Variants in C6orf132 observed in about 807,000 individuals in gnomAD.
C6orf132 encodes chromosome 6 open reading frame 132, also known as uncharacterized protein C6orf132.
In C6orf132, 43 loss-of-function variants were observed where a neutral mutation model predicts 65.3. The observed-to-expected ratio is 0.66, with a 90% CI of 0.52 to 0.85. C6orf132 has a LOEUF of 0.85. Among genes scored for constraint, C6orf132 ranks in the 40% least tolerant of loss-of-function variants. C6orf132 has a pLI of 0.00. For missense variants in C6orf132, 1,488 were observed against 1,548.8 expected (o/e 0.96, Z 0.66); for synonymous variants, 631 against 654.1 (o/e 0.96, Z 0.54).
At chr6:42,117,221 C>A (rs1449873296) in intron 2 of C6orf132, among the ~76,000 whole-genome samples, 1 of 152,206 alleles carries the variant, frequency 6.6e-6, no homozygotes, top group Non-Finnish European at 1.5e-5. Flanking sequence ...CTACTAGGTG[C>A]AAGGCACTGT....
intron 3 of C6orf132, among the ~76,000 whole-genome samples, chr6:42,109,409 C>A (rs1403045985): frequency 6.6e-6 from 1 of 151,622 alleles, no homozygotes; most frequent in African/African-American, 2.4e-5. Context: ...TCCAGCCTGG[C>A]AACAGAGCGA....
intron 1 of C6orf132, among the ~76,000 whole-genome samples, chr6:42,141,352 C>A (rs1767026256): frequency 6.6e-6 from 1 of 152,206 alleles, no homozygotes; most frequent in African/African-American, 2.4e-5. Context: ...GGGTGACCTT[C>A]CTTGGGCCCA....
Position 42,104,968 on chromosome 6 carries a change from T to A in C6orf132, c.2944A>T (p.Asn982Tyr). The change falls in exon 4 of 5, where the codon AAC becomes TAC. Residue 982 changes from asparagine to tyrosine, a missense_variant. Asn to Tyr is a moderately radical substitution (Grantham distance 143). Transcript: ENST00000341865. This position sits in a 1 kb window ranked among gnomAD's most constrained non-coding sequence, Gnocchi z 4.1. ...GGCGGCGGTGGGATGACCTCGAAGTTGAACTCCTCCTCCTCCTCCTCCCTC... is the reference window on the plus strand; with the variant it reads ...GGCGGCGGTGGGATGACCTCGAAGTAGAACTCCTCCTCCTCCTCCTCCCTC... Reference protein sequence around the residue: ...NKREEEEEEFNFEVIPPPPEF... With the variant: ...NKREEEEEEFYFEVIPPPPEF... 6.7e-7 allele frequency: 1 copy of A among 1,495,442 alleles called. No individual in the cohort carries two copies. Among genetic ancestry groups the A allele is most frequent in the Non-Finnish European group, 8.9e-7 (1 of 1,126,318 alleles). The allele number at this position is 1,495,442 out of a possible 1,614,324, so 92.6% of individuals were successfully genotyped here. A position where few individuals can be genotyped will look rare whatever the true frequency, so the allele number is the denominator to read the frequency against.
In C6orf132 at chr6:42,104,990, C is replaced by G. The variant is rs747791855; in HGVS notation, c.2922G>C (p.Arg974Ser). 9.2e-6 allele frequency: 14 copies of G among 1,514,582 alleles called. No individual in the cohort carries two copies. The highest frequency in any genetic ancestry group is 2.1e-5 in the Admixed American group (1 of 46,686). The allele number at this position is 1,514,582 out of a possible 1,614,324, so 93.8% of individuals were successfully genotyped here. Residue 974 changes from arginine to serine, a missense_variant, in exon 4 of 5, where the codon AGG (arginine) becomes AGC (serine). Coordinates refer to ENST00000341865, the MANE Select transcript of C6orf132 (RefSeq NM_001164446.3). This position sits in a 1 kb window ranked among gnomAD's most constrained non-coding sequence, Gnocchi z 4.1. ...AGTTGAACTCCTCCTCCTCCTCCTCCCTCTTGTTCGAAGGAGAAGGTGGGG... is the reference window on the plus strand; with the variant it reads ...AGTTGAACTCCTCCTCCTCCTCCTCGCTCTTGTTCGAAGGAGAAGGTGGGG... ...FSSPPSPSNK[R>S]EEEEEEFNFE...
chr6:42,112,980 C>CTT (rs5875790), intron 2 of C6orf132, among the ~76,000 whole-genome samples: 5 of 150,384 alleles, frequency 3.3e-5, no homozygotes, highest in Non-Finnish European at 4.4e-5. Flanking sequence ...ATCAACTTGT[C>CTT]TTTTTTTTTT....
intron 2 of C6orf132, among the ~76,000 whole-genome samples, chr6:42,115,005 C>CAAAA (rs772119981): frequency 2.0e-5 from 2 of 99,186 alleles, no homozygotes; most frequent in African/African-American, 3.6e-5. Context: ...GACTCTGTCT[C>CAAAA]AAAAAAAAAA....
chr6:42,127,632 T>G (rs1766786934), intron 2 of C6orf132, among the ~76,000 whole-genome samples: 1 of 152,116 alleles, frequency 6.6e-6, no homozygotes, highest in African/African-American at 2.4e-5. Context: ...TACTAAACCC[T>G]CATGGAGGCA....
In C6orf132 at chr6:42,104,798, G is replaced by A; in HGVS notation, c.3114C>T (p.Arg1038=). 1 of 1,493,718 alleles carries A rather than the reference G, an allele frequency of 6.7e-7. No individual in the cohort carries two copies. Among genetic ancestry groups the A allele is most frequent in the Non-Finnish European group, 8.9e-7 (1 of 1,128,806 alleles). 92.5% of individuals were successfully genotyped at this position (1,493,718 alleles called of 1,614,324 possible). ...CGGCGTAGCGCGCGCCCGCGGGAAA[G>A]CGCGAGAAGCCGAGAGCCGGGGGCG... is the stretch of plus-strand genomic sequence containing the variant. ...PGAPPALGFS[R]FPAGARYAGA... Residue 1038 remains arginine, a synonymous_variant, in exon 4 of 5, where the codon CGC becomes CGT. Transcript: ENST00000341865. The surrounding 1 kb of genome is among the most constrained non-coding windows in gnomAD (Gnocchi z 4.1).
chr6:42,113,902 G>GATA (rs796208447), intron 2 of C6orf132, among the ~76,000 whole-genome samples: 37 of 152,206 alleles, frequency 2.4e-4, no homozygotes, highest in African/African-American at 6.5e-4. Context: ...AATCAAATGA[G>GATA]ATAATATCCC....
Position 42,105,062 on chromosome 6 carries a change from A to AG in C6orf132, c.2849dup (p.Pro951SerfsTer45). On this transcript the variant is annotated frameshift_variant, in exon 4 of 5. Transcript: ENST00000341865. LOFTEE classifies it high-confidence loss of function. ...GGTGGCCCTGGGGGAGGTTGGAGGG[A>AG]GCTACTCTTTCCCAGGCCACAGGGG... 2.6e-6 allele frequency: 4 copies of AG among 1,536,188 alleles called. No homozygotes were observed. The highest frequency in any genetic ancestry group is 3.5e-6 in the Non-Finnish European group (4 of 1,146,670).
chr6:42,106,554 G>A lies in C6orf132; in HGVS notation c.1358C>T (p.Thr453Ile), dbSNP rs1334825595. The change falls in exon 4 of 5, where the codon ACA becomes ATA. Residue 453 changes from threonine to isoleucine, a missense_variant. Transcript: ENST00000341865. The stretch of plus-strand genomic sequence containing the variant: ...CCAGTCCACAGGTGCTGAAGACGCT[G>A]TGTTCTCTGGGCTGGGGGGGTTGGG... The part of the protein sequence containing the change: ...PKPNPPSPEN[T>I]ASSAPVDWRD... 2.0e-6 allele frequency: 3 copies of A among 1,536,112 alleles called. No individual in the cohort carries two copies. The East Asian group carries it at 7.3e-5, about 38-fold the overall frequency.
chr6:42,142,179 T>G, intron 1 of C6orf132, 121 bp downstream of exon 1: 1 of 1,178,444 alleles, frequency 8.5e-7, no homozygotes. Flanking sequence ...GCGGCTGCTC[T>G]CGGCCAGTCC....
At chr6:42,141,921 G>A (rs1011768575) in intron 1 of C6orf132, among the ~76,000 whole-genome samples, 1 of 152,168 alleles carries the variant, frequency 6.6e-6, no homozygotes, top group Non-Finnish European at 1.5e-5. Context: ...CCAGAATGGG[G>A]GTGTAGCGGT....
chr6:42,140,598 T>C (rs1767016231), intron 1 of C6orf132, among the ~76,000 whole-genome samples: 2 of 152,204 alleles, frequency 1.3e-5, no homozygotes, highest in African/African-American at 4.8e-5. Flanking sequence ...ATGGTGGTGA[T>C]AATGGCACAA....
chr6:42,142,584 C>G lies in C6orf132; in HGVS notation c.-140G>C. The G allele has an allele frequency of 3.2e-6, 1 of 312,276 alleles. No individual in the cohort carries two copies. Among genetic ancestry groups the G allele is most frequent in the East Asian group, 1.0e-4 (1 of 9,714 alleles). 19.3% of individuals were successfully genotyped at this position (312,276 alleles called of 1,614,324 possible). A position where few individuals can be genotyped will look rare whatever the true frequency, so the allele number is the denominator to read the frequency against. ...CCGTCCTCCCCGCCCGCGCACCGGG[C>G]AACAGGTGCTGCGGGCGCCGCCGCT... On this transcript the variant is annotated 5_prime_UTR_variant, in exon 1 of 5. Transcript: ENST00000341865.
chr6:42,104,519 C>T lies in C6orf132; in HGVS notation c.3393G>A (p.Glu1131=). Residue 1131 remains glutamate, a synonymous_variant, in exon 4 of 5, where the codon GAG becomes GAA. Coordinates refer to ENST00000341865, the MANE Select transcript of C6orf132 (RefSeq NM_001164446.3). The surrounding 1 kb of genome is among the most constrained non-coding windows in gnomAD (Gnocchi z 4.1). ...CGCTGCCGGGCGCTTTGTGCTTGGC[C>T]TCCGCGGCGCCCCGGGCGGCGCCCT... ...SLEGAARGAA[E]AKHKAPGSAD... The T allele has an allele frequency of 8.1e-7, 1 of 1,235,154 alleles. No individual in the cohort carries two copies. Among genetic ancestry groups the T allele is most frequent in the East Asian group, 3.2e-5 (1 of 31,606 alleles). 76.5% of individuals were successfully genotyped at this position (1,235,154 alleles called of 1,614,324 possible). A position where few individuals can be genotyped will look rare whatever the true frequency, so the allele number is the denominator to read the frequency against.
intron 2 of C6orf132, among the ~76,000 whole-genome samples, chr6:42,114,891 G>A (rs972527467): frequency 7.9e-5 from 12 of 152,176 alleles, no homozygotes; most frequent in Admixed American, 7.9e-4. Context: ...TGTAATCCCA[G>A]CTACTCGGGA....
chr6:42,105,462 G>A lies in C6orf132; in HGVS notation c.2450C>T (p.Ala817Val). Residue 817 changes from alanine (A) to valine (V), a missense_variant, in exon 4 of 5, where the codon GCC becomes GTC. Ala to Val is a moderately conservative substitution (Grantham distance 64). Transcript: ENST00000341865. ...CCTGAGGAGTTCATCAGTGGGCTGG[G>A]CCGAGGCAGGAGGCTTGGCTGGCAG... ...PGLPAKPPAS[A>V]QPTDELLRHP... is the part of the protein sequence containing the mutation. 3 of 1,534,218 alleles carry A rather than the reference G, an allele frequency of 2.0e-6. No homozygotes were observed. The highest frequency in any genetic ancestry group is 1.2e-5 in the South Asian group (1 of 84,022).
Position 42,104,344 on chromosome 6 carries a change from C to G in C6orf132, c.3449+119G>C. 2.5e-6 allele frequency: 3 copies of G among 1,222,534 alleles called. No homozygotes were observed. Among genetic ancestry groups the G allele is most frequent in the Non-Finnish European group, 3.1e-6 (3 of 982,242 alleles). The allele number at this position is 1,222,534 out of a possible 1,614,324, so 75.7% of individuals were successfully genotyped here. A position where few individuals can be genotyped will look rare whatever the true frequency, so the allele number is the denominator to read the frequency against. ...AGTGGGCCTCCCTCCCGCGTTCTAC[C>G]TGCAAGGCCGAAGGGAGAAAACCAA... is the stretch of plus-strand genomic sequence containing the variant. On this transcript the variant is annotated intron_variant, in intron 4 of 4. Coordinates refer to ENST00000341865, the MANE Select transcript of C6orf132 (RefSeq NM_001164446.3). This position sits in a 1 kb window ranked among gnomAD's most constrained non-coding sequence, Gnocchi z 4.1.
Sources: allele counts gnomAD v4.1 joint callset (sites outside exome capture counted in the v4.1 genomes callset), GRCh38; gene constraint gnomAD v4.1.1; non-coding constraint Gnocchi (gnomAD v3.1); transcripts MANE v1.5; gene names NCBI Gene and HGNC (gene_info 2026-07-23, HGNC 2026-07-21).